The following MAML2 variants were observed in gnomAD, a reference collection of about 807,000 sequenced individuals.
MAML2 encodes the protein mastermind like transcriptional coactivator 2.
Under a neutral mutation model 96.1 loss-of-function variants are expected in MAML2, and 22 were observed. The ratio of observed to expected loss-of-function variants is 0.23; its 90% confidence interval spans 0.16 to 0.33. The LOEUF (loss-of-function observed/expected upper bound fraction) is 0.33. Ranked by LOEUF, MAML2 falls within the 10% of genes least tolerant of loss-of-function variation. The pLI, the probability that MAML2 is intolerant of heterozygous loss-of-function variation, is 1.00. For missense variants in MAML2, 1,367 were observed against 1,392.4 expected, an observed-to-expected ratio of 0.98 and a Z score of 0.29; for synonymous variants, 561 against 521.3, an observed-to-expected ratio of 1.08 and a Z score of -1.04.
At chr11:96,209,877 T>C (rs932294770) in intron 1 of MAML2, among the ~76,000 whole-genome samples, 7 of 152,192 alleles carry the variant, frequency 4.6e-5, no homozygotes, top group African/African-American at 9.6e-5. Flanking sequence ...CCACTATGCA[T>C]GGAATAGTTA....
intron 1 of MAML2, among the ~76,000 whole-genome samples, chr11:96,286,087 A>G (rs182181758): frequency 1.8e-4 from 27 of 152,344 alleles, no homozygotes; most frequent in African/African-American, 5.8e-4. Context: ...ATGCCCATCA[A>G]TGGTAGACTG....
At chr11:96,250,991 G>A (rs118058565) in intron 1 of MAML2, among the ~76,000 whole-genome samples, 4,905 of 151,120 alleles carry the variant, frequency 0.032, 103 homozygotes, top group South Asian at 0.057. Flanking sequence ...GATTTGTGGA[G>A]TGATGGTAAG....
At position 96,092,988 on chromosome 11, in the gene MAML2, C is replaced by G. The variant is rs200597502; in HGVS notation, c.1043G>C (p.Ser348Thr). ...DPFNIDLGQQ[S>T]QRSTPRPSLP... ...GGAGGGCCTAGGTGTGCTCCTCTGG[C>G]TTTGCTGACCCAAGTCAATGTTAAA... is the stretch of plus-strand genomic sequence containing the variant. Residue 348 changes from serine to threonine, a missense_variant, in exon 2 of 5, where the codon AGC becomes ACC. By Grantham distance (58) the Ser-to-Thr change is moderately conservative. Transcript: ENST00000524717. The surrounding 1 kb of genome is among the most constrained non-coding windows in gnomAD (Gnocchi z 4.1). 3.7e-6 allele frequency: 6 copies of G among 1,613,942 alleles called. No individual in the cohort carries two copies. The highest frequency in any genetic ancestry group is 1.3e-5 in the African/African-American group (1 of 75,052).
intron 1 of MAML2, among the ~76,000 whole-genome samples, chr11:96,170,827 G>T (rs895250929): frequency 1.1e-4 from 16 of 152,128 alleles, no homozygotes; most frequent in Admixed American, 5.2e-4. Context: ...CCATTCTCCT[G>T]CCTCAGCCTC....
intron 1 of MAML2, among the ~76,000 whole-genome samples, chr11:96,202,813 A>G (rs1861844878): frequency 6.6e-6 from 1 of 152,016 alleles, no homozygotes; most frequent in African/African-American, 2.4e-5. Flanking sequence ...TTTTTGGTAG[A>G]GACAGGGTTT....
intron 2 of MAML2, among the ~76,000 whole-genome samples, chr11:96,077,920 G>A (rs1192158980): frequency 6.6e-6 from 1 of 152,178 alleles, no homozygotes; most frequent in Non-Finnish European, 1.5e-5. Context: ...TACCTACACT[G>A]TAAATGTCCA....
chr11:96,288,279 C>T (rs879137758), intron 1 of MAML2, among the ~76,000 whole-genome samples: 10 of 152,094 alleles, frequency 6.6e-5, no homozygotes, highest in Non-Finnish European at 7.4e-5. Context: ...CTATCTAGAA[C>T]AAGGTATAAA....
At chr11:96,261,316 C>A (rs1242290452) in intron 1 of MAML2, among the ~76,000 whole-genome samples, 1 of 152,098 alleles carries the variant, frequency 6.6e-6, no homozygotes, top group Non-Finnish European at 1.5e-5. Flanking sequence ...ACAGATGCAG[C>A]CCCTCAACCT....
At chr11:96,288,005 G>T (rs996618091) in intron 1 of MAML2, among the ~76,000 whole-genome samples, 1 of 152,018 alleles carries the variant, frequency 6.6e-6, no homozygotes, top group Admixed American at 6.5e-5. Flanking sequence ...TAAGCGAAAT[G>T]GTATCCTGAT....
intron 1 of MAML2, among the ~76,000 whole-genome samples, chr11:96,180,816 G>A (rs185268029): frequency 1.3e-5 from 2 of 152,166 alleles, no homozygotes; most frequent in East Asian, 3.9e-4. Flanking sequence ...CCTGGGTACA[G>A]GCGGGCTGAG....
At chr11:96,107,422 G>A (rs11021433) in intron 1 of MAML2, among the ~76,000 whole-genome samples, 27,429 of 152,138 alleles carry the variant, frequency 0.18, 2,778 homozygotes, top group Middle Eastern at 0.27. Flanking sequence ...TATAAAGTCT[G>A]TAACTCAAAA....
chr11:95,981,081 T>C (rs1026052250), intron 4 of MAML2, among the ~76,000 whole-genome samples: 1 of 152,244 alleles, frequency 6.6e-6, no homozygotes, highest in Non-Finnish European at 1.5e-5. Flanking sequence ...GAATTCAATC[T>C]GTGAGGTGGG....
intron 1 of MAML2, among the ~76,000 whole-genome samples, chr11:96,201,433 C>G (rs1029688543): frequency 2.0e-5 from 3 of 152,166 alleles, no homozygotes; most frequent in African/African-American, 4.8e-5. Flanking sequence ...GAAACAATTA[C>G]GCTTAGTTTG....
chr11:96,317,461 T>C (rs954886530), intron 1 of MAML2, among the ~76,000 whole-genome samples: 84 of 152,222 alleles, frequency 5.5e-4, no homozygotes, highest in African/African-American at 1.6e-3. Context: ...TATGAGGGTA[T>C]GTGAGATGCA....
At chr11:96,264,586 C>T (rs1862800404) in intron 1 of MAML2, among the ~76,000 whole-genome samples, 1 of 152,160 alleles carries the variant, frequency 6.6e-6, no homozygotes, top group Non-Finnish European at 1.5e-5. Flanking sequence ...AAGGCATTTC[C>T]ATTTTCCTTA....
rs12276280 is a variant in MAML2, at chr11:96,169,295, C to T, written c.514-75778G>A. 7.0e-3 allele frequency among the ~76,000 whole-genome samples: 1,069 copies of T among 152,320 alleles called. 17 individuals are homozygous for T. The highest frequency in any genetic ancestry group is 0.024 in the African/African-American group (1,013 of 41,578). ...GCCAGCTCCACTGTGCATCCTTATC[C>T]AGCACTCAGCTGTAACAGGAATGAA... On this transcript the variant is annotated intron_variant, in intron 1 of 4. Coordinates refer to ENST00000524717, the MANE Select transcript of MAML2 (RefSeq NM_032427.4).
chr11:96,308,730 G>A (rs945239614), intron 1 of MAML2, among the ~76,000 whole-genome samples: 2 of 152,136 alleles, frequency 1.3e-5, no homozygotes, highest in Admixed American at 6.5e-5. Context: ...TATAAAAAAT[G>A]ACTAGCTATA....
intron 1 of MAML2, among the ~76,000 whole-genome samples, chr11:96,312,219 CAAAA>C (rs34658278): frequency 3.3e-4 from 17 of 51,554 alleles, no homozygotes; most frequent in Non-Finnish European, 4.8e-4. Flanking sequence ...GACTCTATCT[CAAAA>C]AAAAAAAAAA....
At position 95,978,972 on chromosome 11, in the gene MAML2, A is replaced by G. The variant is rs972987761; in HGVS notation, c.3447T>C (p.Asp1149=). Residue 1149 remains aspartate, a synonymous_variant, in exon 5 of 5, where the codon GAT becomes GAC. Transcript: ENST00000524717. ...NDDWMKDINL[D]EILGNNS is the part of the protein sequence containing the mutation. ...TTTAGGAATTGTTCCCCAAGATTTC[A>G]TCAAGATTGATGTCTTTCATCCAGT... 2 of 1,609,608 alleles carry G rather than the reference A, an allele frequency of 1.2e-6. No homozygotes were observed. The highest frequency in any genetic ancestry group is 1.7e-6 in the Non-Finnish European group (2 of 1,178,290).
Sources: gnomAD v4.1 joint callset for allele counts (sites outside exome capture counted in the v4.1 genomes callset) on GRCh38, gnomAD v4.1.1 for gene constraint, Gnocchi (gnomAD v3.1) non-coding constraint, MANE v1.5 for transcripts, NCBI Gene and HGNC (gene_info 2026-07-23, HGNC 2026-07-21) for gene names.